SLC39A11: variants seen among roughly 807,000 people sequenced by gnomAD.
The protein encoded by SLC39A11 is solute carrier family 39 member 11, also known as zinc transporter ZIP11.
In SLC39A11, 33 loss-of-function variants were observed where a neutral mutation model predicts 36.1. The ratio of observed to expected loss-of-function variants is 0.91; its 90% CI spans 0.69 to 1.22. The LOEUF is 1.22. Ranked by LOEUF, SLC39A11 falls within the 50% of genes most tolerant of loss-of-function variation. The pLI is 0.00. For missense variants in SLC39A11, 432 were observed against 430.3 expected, an observed-to-expected ratio of 1.00 and a Z score of -0.03; for synonymous variants, 166 against 170.3, an observed-to-expected ratio of 0.97 and a Z score of 0.20.
chr17:73,022,775 G>A (rs2058396075), intron 4 of SLC39A11, among the ~76,000 whole-genome samples: 1 of 151,982 alleles, frequency 6.6e-6, no homozygotes, highest in Non-Finnish European at 1.5e-5. Flanking sequence ...TGCTAACCAT[G>A]GCTTCCAGTT....
At chr17:72,849,578 T>C in intron 6 of SLC39A11, 56 bp downstream of exon 6, 3 of 1,439,414 alleles carry the variant, frequency 2.1e-6, no homozygotes, top group Non-Finnish European at 2.8e-6. Context: ...ACAACTGTGC[T>C]GACAAATGAC....
intron 3 of SLC39A11, among the ~76,000 whole-genome samples, chr17:73,050,923 T>G (rs1480280875): frequency 2.1e-5 from 3 of 145,984 alleles, no homozygotes; most frequent in African/African-American, 7.6e-5. Context: ...GGGATGTATT[T>G]TGGAGGGAGG....
intron 6 of SLC39A11, among the ~76,000 whole-genome samples, chr17:72,829,130 T>C (rs2078158955): frequency 6.6e-6 from 1 of 151,782 alleles, no homozygotes. Flanking sequence ...GGTGGGAGGA[T>C]CACTTGAGCA....
chr17:72,897,801 G>A (rs1048621283), intron 5 of SLC39A11, among the ~76,000 whole-genome samples: 15 of 152,206 alleles, frequency 9.9e-5, no homozygotes, highest in African/African-American at 3.4e-4. Context: ...AATTCGGTGT[G>A]GAGTTCTAAA....
At position 72,654,370 on chromosome 17, in the gene SLC39A11, C is replaced by T. The variant is rs76551646; in HGVS notation, c.672-5102G>A. Among the ~76,000 whole-genome samples the T allele has an allele frequency of 5.4e-3, 827 of 152,220 alleles. 7 individuals carry two copies. Among genetic ancestry groups the T allele is most frequent in the African/African-American group, 0.019 (780 of 41,530 alleles). ...GCTTCAGTTATAGGATGCTGACAAG[C>T]GTGTTCTAACCAGCCCTGGGCAGAA... On this transcript the variant is annotated intron_variant, in intron 7 of 9. Transcript: ENST00000255559.
intron 6 of SLC39A11, among the ~76,000 whole-genome samples, chr17:72,835,297 T>C (rs1297488738): frequency 1.3e-5 from 2 of 152,132 alleles, no homozygotes; most frequent in African/African-American, 4.8e-5. Flanking sequence ...ATTAAAGCCA[T>C]CTGTGACGTC....
chr17:72,806,164 C>A (rs1438335158), intron 6 of SLC39A11, among the ~76,000 whole-genome samples: 1 of 152,146 alleles, frequency 6.6e-6, no homozygotes, highest in African/African-American at 2.4e-5. Flanking sequence ...AGGGTGTTTA[C>A]AGGATCTTGT....
intron 3 of SLC39A11, among the ~76,000 whole-genome samples, chr17:73,057,864 G>C (rs1454269521): frequency 6.6e-6 from 1 of 152,198 alleles, no homozygotes; most frequent in Non-Finnish European, 1.5e-5. Flanking sequence ...TTGAACCCCA[G>C]AGATGGAGGT....
intron 7 of SLC39A11, among the ~76,000 whole-genome samples, chr17:72,676,333 C>T (rs1465245213): frequency 6.6e-6 from 1 of 152,050 alleles, no homozygotes; most frequent in Non-Finnish European, 1.5e-5. Context: ...CAGAAGGGTG[C>T]CTTCAACAGA....
chr17:72,918,146 C>T (rs1186704189), intron 5 of SLC39A11, among the ~76,000 whole-genome samples: 4 of 152,190 alleles, frequency 2.6e-5, no homozygotes, highest in Admixed American at 6.5e-5. Context: ...TGGTGGCTCA[C>T]GCCTGTAATC....
intron 6 of SLC39A11, among the ~76,000 whole-genome samples, chr17:72,775,318 G>A (rs181470070): frequency 1.3e-5 from 2 of 152,266 alleles, no homozygotes; most frequent in Non-Finnish European, 1.5e-5. Flanking sequence ...AGCTGCATCA[G>A]CATCATCTGT....
rs2069581258 is a variant in SLC39A11, at chr17:72,646,777, A to G, written c.*807T>C. 1 of 152,638 alleles carries G rather than the reference A, an allele frequency of 6.6e-6. No individual in the cohort carries two copies. The highest frequency in any genetic ancestry group is 2.4e-5 in the African/African-American group (1 of 41,522). 9.5% of individuals were successfully genotyped at this position (152,638 alleles called of 1,614,324 possible). On this transcript the variant is annotated 3_prime_UTR_variant, in exon 10 of 10. Transcript: ENST00000255559. ...TGATGGCTATAAACTTATCAAAATA[A>G]ATGCCTAAGAAATTTGGAAAGCGCG...
At chr17:72,681,505 G>A (rs550478175) in intron 7 of SLC39A11, among the ~76,000 whole-genome samples, 10 of 152,258 alleles carry the variant, frequency 6.6e-5, no homozygotes, top group East Asian at 3.9e-4. Context: ...GAGAAGTCAC[G>A]AATTGCATTC....
chr17:73,032,979 G>T (rs1376628161), intron 3 of SLC39A11, among the ~76,000 whole-genome samples: 1 of 152,168 alleles, frequency 6.6e-6, no homozygotes, highest in African/African-American at 2.4e-5. Context: ...CAATCCTTTG[G>T]GCACCAGGGG....
intron 3 of SLC39A11, among the ~76,000 whole-genome samples, chr17:73,047,990 A>AAAAAATATATAT (rs1555693446): frequency 1.7e-5 from 1 of 58,700 alleles, no homozygotes; most frequent in Non-Finnish European, 3.0e-5. Flanking sequence ...AAAAAAAAAA[A>AAAAAATATATAT]ATATATATAT....
chr17:72,879,781 C>A (rs1368946144), intron 5 of SLC39A11, among the ~76,000 whole-genome samples: 1 of 152,212 alleles, frequency 6.6e-6, no homozygotes, highest in Non-Finnish European at 1.5e-5. Context: ...TCACCCTAGA[C>A]CTTTTTACCC....
chr17:72,835,897 ATC>A (rs2078519978), intron 6 of SLC39A11, among the ~76,000 whole-genome samples: 1 of 152,210 alleles, frequency 6.6e-6, no homozygotes, highest in South Asian at 2.1e-4. Flanking sequence ...TGGCTCCAGG[ATC>A]CAAGTCTTGG....
At chr17:72,920,108 T>C (rs960697045) in intron 5 of SLC39A11, among the ~76,000 whole-genome samples, 2 of 152,226 alleles carry the variant, frequency 1.3e-5, no homozygotes, top group East Asian at 1.9e-4. Context: ...TTAATAAATT[T>C]ATGATTTCTC....
At chr17:72,921,520 G>T (rs559823397) in intron 5 of SLC39A11, among the ~76,000 whole-genome samples, 1 of 152,302 alleles carries the variant, frequency 6.6e-6, no homozygotes, top group South Asian at 2.1e-4. Context: ...AAGAATGCAT[G>T]ACATCTGTGC....
Sources: allele counts gnomAD v4.1 joint callset (sites outside exome capture counted in the v4.1 genomes callset), GRCh38; gene constraint gnomAD v4.1.1; transcripts MANE v1.5; gene names NCBI Gene and HGNC (gene_info 2026-07-23, HGNC 2026-07-21).